Variants in ANKRD11 observed in about 807,000 individuals in gnomAD.
ANKRD11 encodes the protein ankyrin repeat domain 11.
Under a neutral mutation model 195.7 loss-of-function variants are expected in ANKRD11, and 17 were observed. That is an observed-to-expected ratio of 0.09 (90% CI 0.06 to 0.13). The LOEUF (loss-of-function observed/expected upper bound fraction) is 0.13. ANKRD11 is among the 10% of genes least tolerant of loss of function. The probability of loss-of-function intolerance (pLI) is 1.00; values close to 1 mark genes in which losing one functional copy is unlikely to be tolerated. For missense variants in ANKRD11, 3,735 were observed against 3,566.1 expected (o/e 1.05, Z -1.21); for synonymous variants, 1,953 against 1,528.1 (o/e 1.28, Z -6.49).
At chr16:89,372,817 T>G (rs184714267) in intron 2 of ANKRD11, 286 of 152,290 alleles carry the variant, frequency 1.9e-3, no homozygotes, top group African/African-American at 6.4e-3. Flanking sequence ...AGCCACCCTG[T>G]GGCAGGGACT....
intron 1 of ANKRD11, among the ~76,000 whole-genome samples, chr16:89,481,036 C>T (rs1038727806): frequency 6.6e-5 from 10 of 152,316 alleles, no homozygotes; most frequent in Non-Finnish European, 1.3e-4. Flanking sequence ...AGCTTCTGCC[C>T]CACCACCCCG....
intron 7 of ANKRD11, chr16:89,287,489 C>T (rs2034727390): frequency 4.7e-6 from 1 of 212,892 alleles, no homozygotes; most frequent in Admixed American, 5.2e-5. Context: ...AACTATAAAG[C>T]TGCATCGGAT....
At chr16:89,469,282 C>T (rs1275191991) in intron 1 of ANKRD11, among the ~76,000 whole-genome samples, 1 of 152,010 alleles carries the variant, frequency 6.6e-6, no homozygotes, top group Non-Finnish European at 1.5e-5. Context: ...AGTGCTGTAG[C>T]GCAATCTTGG....
intron 1 of ANKRD11, among the ~76,000 whole-genome samples, chr16:89,450,726 G>A (rs189228895): frequency 2.0e-5 from 3 of 152,192 alleles, no homozygotes; most frequent in African/African-American, 7.2e-5. Context: ...CTAACTCCTC[G>A]CCTCAAGCAA....
At position 89,329,467 on chromosome 16, in the gene ANKRD11, T is replaced by C. The variant is rs527782347; in HGVS notation, c.-59-12389A>G. Among the ~76,000 whole-genome samples, 59 of 152,290 alleles carry C rather than the reference T, an allele frequency of 3.9e-4. 3 individuals are homozygous for C. The South Asian group carries it at 8.1e-3, about 21-fold the overall frequency. On this transcript the variant is annotated intron_variant, in intron 2 of 12. Transcript: ENST00000301030. ...CATGGGTGATGAATAGTCTATACTT[T>C]TAGGTGATGGTGTTTCCCCAACGGT...
At chr16:89,476,924 G>A (rs1005558457) in intron 1 of ANKRD11, among the ~76,000 whole-genome samples, 2 of 152,224 alleles carry the variant, frequency 1.3e-5, no homozygotes, top group South Asian at 2.1e-4. Context: ...GTTTATACAC[G>A]GGCACAGACT....
At chr16:89,450,833 A>G (rs896801130) in intron 1 of ANKRD11, among the ~76,000 whole-genome samples, 11 of 152,154 alleles carry the variant, frequency 7.2e-5, no homozygotes, top group Non-Finnish European at 2.9e-5. Context: ...GTTCAATTTA[A>G]TATCACACAG....
At position 89,285,247 on chromosome 16, in the gene ANKRD11, G is replaced by A. The variant is rs148472572; in HGVS notation, c.1295C>T (p.Thr432Met). ...TCGTGTCTTACTACCAGGCAATATC[G>A]TATGTGCCGAGAGTCTCAGCTTCTC... ...TGEKLRLSAH[T>M]ILPGSKTREP... The change falls in exon 9 of 13, where the codon ACG becomes ATG. Residue 432 changes from threonine to methionine, a missense_variant. Physicochemically the swap from Thr to Met is moderately conservative, Grantham distance 81. Coordinates refer to ENST00000301030, the MANE Select transcript of ANKRD11 (RefSeq NM_013275.6). The surrounding 1 kb of genome is among the most constrained non-coding windows in gnomAD (Gnocchi z 5.6). 1.0e-4 allele frequency: 161 copies of A among 1,613,628 alleles called. No individual in the cohort carries two copies. The highest frequency in any genetic ancestry group is 1.2e-4 in the Non-Finnish European group (142 of 1,180,008).
intron 2 of ANKRD11, among the ~76,000 whole-genome samples, chr16:89,332,256 T>C (rs1180846406): frequency 1.3e-5 from 2 of 152,134 alleles, no homozygotes; most frequent in Non-Finnish European, 2.9e-5. Context: ...CTATAAACAC[T>C]GAAACAGACA....
chr16:89,407,852 C>CAAAAAAA (rs60723753), intron 2 of ANKRD11, among the ~76,000 whole-genome samples: 2 of 111,436 alleles, frequency 1.8e-5, no homozygotes, highest in African/African-American at 3.3e-5. Flanking sequence ...TGTCTCCCTC[C>CAAAAAAA]AAAAAAAAAA....
chr16:89,292,634 C>T (rs2035137854), intron 4 of ANKRD11, among the ~76,000 whole-genome samples: 1 of 152,254 alleles, frequency 6.6e-6, no homozygotes, highest in South Asian at 2.1e-4. Flanking sequence ...CCAAGTACTG[C>T]AGGCTGCCAT....
At chr16:89,436,126 A>G (rs1048155801) in intron 1 of ANKRD11, among the ~76,000 whole-genome samples, 124 of 152,294 alleles carry the variant, frequency 8.1e-4, no homozygotes, top group African/African-American at 2.9e-3. Flanking sequence ...TTAAAACATG[A>G]TAATTCGGCC....
chr16:89,291,211 G>A lies in ANKRD11; in HGVS notation c.227-28C>T. The A allele has an allele frequency of 6.2e-7, 1 of 1,610,972 alleles. No individual in the cohort carries two copies. Reference sequence around the variant, plus strand: ...GTGAGGCGGGCGAGGGAGAGAGGGAGGAGAGATTTCATGCCATGGTGTCCT... The same window carrying A: ...GTGAGGCGGGCGAGGGAGAGAGGGAAGAGAGATTTCATGCCATGGTGTCCT... On this transcript the variant is annotated intron_variant, in intron 4 of 12. Transcript: ENST00000301030. This position sits in a 1 kb window ranked among gnomAD's most constrained non-coding sequence, Gnocchi z 5.3.
At position 89,279,929 on chromosome 16, in the gene ANKRD11, G is replaced by A. The variant is rs746379317; in HGVS notation, c.6613C>T (p.Pro2205Ser). Residue 2205 changes from proline (P) to serine (S), a missense_variant, in exon 9 of 13, where the codon CCT (proline) becomes TCT (serine). Transcript: ENST00000301030. This position sits in a 1 kb window ranked among gnomAD's most constrained non-coding sequence, Gnocchi z 5.6. ...ASTRLPAELE[P>S]EPSGEPKLDV... ...AGCTTTGGCTCCCCTGAGGGCTCAGGCTCGAGCTCTGCAGGGAGCCGGGTG... is the reference window on the plus strand; with the variant it reads ...AGCTTTGGCTCCCCTGAGGGCTCAGACTCGAGCTCTGCAGGGAGCCGGGTG... 4.3e-6 allele frequency: 7 copies of A among 1,609,966 alleles called. No individual in the cohort carries two copies. The South Asian group carries it at 7.7e-5, about 18-fold the overall frequency.
At chr16:89,435,621 G>A (rs1051306367) in intron 1 of ANKRD11, among the ~76,000 whole-genome samples, 13 of 151,958 alleles carry the variant, frequency 8.6e-5, no homozygotes, top group Admixed American at 2.0e-4. Context: ...CACTCACCGC[G>A]AGGGTCCACA....
At chr16:89,402,484 A>AGGAT (rs1409852704) in intron 2 of ANKRD11, among the ~76,000 whole-genome samples, 3 of 152,036 alleles carry the variant, frequency 2.0e-5, no homozygotes, top group Admixed American at 2.0e-4. Flanking sequence ...GTTCAAGAGC[A>AGGAT]TCCTGGGAAT....
chr16:89,443,648 C>T (rs982935222), intron 1 of ANKRD11, among the ~76,000 whole-genome samples: 2 of 152,200 alleles, frequency 1.3e-5, no homozygotes, highest in East Asian at 3.9e-4. Flanking sequence ...CAGAAGGCTA[C>T]CAGACCTGTT....
chr16:89,353,948 A>G (rs2035481), intron 2 of ANKRD11, among the ~76,000 whole-genome samples: 1 of 151,978 alleles, frequency 6.6e-6, no homozygotes, highest in Non-Finnish European at 1.5e-5. Flanking sequence ...GCGGGCAGAG[A>G]TGGAGACATA....
At chr16:89,332,096 T>C (rs1432845126) in intron 2 of ANKRD11, among the ~76,000 whole-genome samples, 5 of 151,872 alleles carry the variant, frequency 3.3e-5, no homozygotes, top group Admixed American at 2.0e-4. Context: ...GAGACCAGAC[T>C]GGGCAACATG....
Sources: gnomAD v4.1 joint callset for allele counts (sites outside exome capture counted in the v4.1 genomes callset) on GRCh38, gnomAD v4.1.1 for gene constraint, Gnocchi (gnomAD v3.1) non-coding constraint, MANE v1.5 for transcripts, NCBI Gene and HGNC (gene_info 2026-07-23, HGNC 2026-07-21) for gene names.